Variants in EED observed in about 807,000 individuals in gnomAD.
The protein encoded by EED is polycomb protein EED.
A neutral mutation model predicts 61.0 loss-of-function variants in EED; 9 were observed. The observed-to-expected ratio is 0.15, with a 90% CI of 0.09 to 0.26. The LOEUF (loss-of-function observed/expected upper bound fraction) is 0.26, where lower values mean the gene tolerates loss of function less well. Among genes scored for constraint, EED ranks in the 10% least tolerant of loss-of-function variants. EED has a pLI of 1.00. For missense variants in EED, 315 were observed against 542.3 expected (o/e 0.58, Z 4.16); for synonymous variants, 187 against 174.4 (o/e 1.07, Z -0.57).
chr11:86,263,670 C>T (rs567071138), intron 6 of EED, among the ~76,000 whole-genome samples: 22 of 152,262 alleles, frequency 1.4e-4, no homozygotes, highest in African/African-American at 3.9e-4. Context: ...CATGAGCCAC[C>T]GTACCTGACT....
At chr11:86,262,031 T>C (rs1945843302) in intron 6 of EED, among the ~76,000 whole-genome samples, 1 of 152,216 alleles carries the variant, frequency 6.6e-6, no homozygotes, top group African/African-American at 2.4e-5. Context: ...ATATTCTCTC[T>C]CAAACATGCT....
At chr11:86,283,772 A>C (rs1340290392), downstream of EED, among the ~76,000 whole-genome samples, 2 of 152,276 alleles carry the variant, frequency 1.3e-5, no homozygotes, top group Non-Finnish European at 1.5e-5. Flanking sequence ...ACAGAGAATC[A>C]AGAAAATGGA....
At position 86,275,708 on chromosome 11, in the gene EED, A is replaced by C. The variant is rs921479881; in HGVS notation, c.967-1272A>C. On this transcript the variant is annotated intron_variant, in intron 9 of 11. Transcript: ENST00000263360. ...AGAGACTCTGAATCAGTAGGGGCTG[A>C]GAGACTCTGAATCAGTAGGGGCTGA... is the stretch of plus-strand genomic sequence containing the variant. 5.3e-5 allele frequency among the ~76,000 whole-genome samples: 8 copies of C among 152,244 alleles called. No homozygotes were observed. In the East Asian group the frequency reaches 5.8e-4, roughly 11 times the overall value.
At chr11:86,285,563 C>T in the EED span, among the ~76,000 whole-genome samples, 7 of 152,140 alleles carry the variant, frequency 4.6e-5, no homozygotes, top group Non-Finnish European at 1.0e-4. Flanking sequence ...AAATTGTTAG[C>T]ATGAATTTTA....
chr11:86,258,483 A>C (rs1029506862), intron 6 of EED, among the ~76,000 whole-genome samples: 1 of 151,902 alleles, frequency 6.6e-6, no homozygotes, highest in African/African-American at 2.4e-5. Context: ...ATTTCTGAAC[A>C]ACTGTATAGA....
chr11:86,268,381 A>C, intron 8 of EED, 75 bp from the exon 9 acceptor site: 14 of 1,016,228 alleles, frequency 1.4e-5, no homozygotes, highest in Non-Finnish European at 1.9e-5. Context: ...AGTTTTATAA[A>C]TCCAAAAATG....
At chr11:86,271,323 G>A (rs1488902560) in intron 9 of EED, among the ~76,000 whole-genome samples, 3 of 151,982 alleles carry the variant, frequency 2.0e-5, no homozygotes, top group African/African-American at 7.3e-5. Flanking sequence ...CCATTTTTAT[G>A]TGTTCATAAC....
chr11:86,268,384 C>T, intron 8 of EED, 72 bp from the exon 9 acceptor site: 1 of 1,039,288 alleles, frequency 9.6e-7, no homozygotes, highest in African/African-American at 1.7e-5. Context: ...TTTATAAATC[C>T]AAAAATGAAA....
chr11:86,275,767 G>T (rs1441101820), intron 9 of EED, among the ~76,000 whole-genome samples: 2 of 152,134 alleles, frequency 1.3e-5, no homozygotes, highest in African/African-American at 4.8e-5. Context: ...ACAGACTATT[G>T]ATCCAATTTT....
intron 6 of EED, 80 bp downstream of exon 6, chr11:86,257,676 C>T: frequency 8.6e-7 from 1 of 1,161,682 alleles, no homozygotes; most frequent in South Asian, 1.5e-5. Flanking sequence ...AAAACCCTGA[C>T]AAATAGGAAA....
rs138534741 is a variant in EED, at chr11:86,246,988, A to G, written c.114+1645A>G. Reference sequence around the variant, plus strand: ...ACTATACACATGTTATTTATTTATAATAATTACTACTACTAATTTTATGAT... The same window carrying G: ...ACTATACACATGTTATTTATTTATAGTAATTACTACTACTAATTTTATGAT... On this transcript the variant is annotated intron_variant, in intron 1 of 11. Transcript: ENST00000263360. 4.0e-3 allele frequency among the ~76,000 whole-genome samples: 613 copies of G among 152,328 alleles called. 6 individuals are homozygous for G. Among genetic ancestry groups the G allele is most frequent in the African/African-American group, 0.014 (599 of 41,568 alleles).
intron 1 of EED, among the ~76,000 whole-genome samples, chr11:86,249,057 G>C (rs1282638920): frequency 2.0e-5 from 3 of 152,158 alleles, no homozygotes; most frequent in Non-Finnish European, 4.4e-5. Flanking sequence ...TGGTAACTTG[G>C]AAGGATGTGC....
chr11:86,253,113 A>C (rs1945576753), intron 3 of EED, among the ~76,000 whole-genome samples: 1 of 152,216 alleles, frequency 6.6e-6, no homozygotes, highest in Non-Finnish European at 1.5e-5. Context: ...AGGTCAATTC[A>C]TTGAAACTCT....
Position 86,245,251 on chromosome 11 carries a change from A to G in EED, c.22A>G (p.Thr8Ala). MSEREVSTAPAGTDMPAA... is the reference protein window; with the variant it reads MSEREVSAAPAGTDMPAA... ...GAATATGTCCGAGAGGGAAGTGTCGACTGCGCCGGCGGGAACAGACATGCC... is the reference window on the plus strand; with the variant it reads ...GAATATGTCCGAGAGGGAAGTGTCGGCTGCGCCGGCGGGAACAGACATGCC... The change falls in exon 1 of 12, where the codon ACT (threonine) becomes GCT (alanine). Residue 8 changes from threonine (T) to alanine (A), a missense_variant. Around this residue, in one of 2 missense-constraint regions of EED, gnomAD observed 110 missense variants for 86.9 expected, o/e 1.27. Transcript: ENST00000263360. The G allele has an allele frequency of 6.8e-6, 11 of 1,613,220 alleles. No individual in the cohort carries two copies. Among genetic ancestry groups the G allele is most frequent in the Non-Finnish European group, 9.3e-6 (11 of 1,179,842 alleles).
chr11:86,257,138 C>T (rs113650494), intron 5 of EED, among the ~76,000 whole-genome samples: 76 of 151,152 alleles, frequency 5.0e-4, no homozygotes, highest in Admixed American at 1.9e-3. Flanking sequence ...TGGGCTCAAG[C>T]GATCCTCCTG....
rs554541705 is a variant in EED, at chr11:86,276,370, A to G, written c.967-610A>G. ...CATATGAGTGTCTTGATGTTAAACA[A>G]CTGCTTTACTTGCCTTCGATTGCCC... is the stretch of plus-strand genomic sequence containing the variant. On this transcript the variant is annotated intron_variant, in intron 9 of 11. Transcript: ENST00000263360. The G allele has an allele frequency of 2.6e-5, 4 of 152,326 alleles. No homozygotes were observed. In the South Asian group the frequency reaches 6.2e-4, roughly 24 times the overall value. 9.4% of individuals were successfully genotyped at this position (152,326 alleles called of 1,614,324 possible). A position where few individuals can be genotyped will look rare whatever the true frequency, so the allele number is the denominator to read the frequency against.
At chr11:86,270,409 A>G (rs1384739084) in intron 9 of EED, among the ~76,000 whole-genome samples, 1 of 147,238 alleles carries the variant, frequency 6.8e-6, no homozygotes, top group African/African-American at 2.5e-5. Flanking sequence ...TATTCTAAAT[A>G]TGAATCCTGT....
chr11:86,251,121 T>TA (rs2138137642), intron 2 of EED, among the ~76,000 whole-genome samples: 1 of 152,260 alleles, frequency 6.6e-6, no homozygotes, highest in African/African-American at 2.4e-5. Flanking sequence ...ATCTCATACA[T>TA]ATGTAAGTTA....
downstream of EED, among the ~76,000 whole-genome samples, chr11:86,279,099 G>T (rs1251751423): frequency 6.6e-6 from 1 of 152,180 alleles, no homozygotes; most frequent in Non-Finnish European, 1.5e-5. Context: ...GGAGATTATA[G>T]TTCCTATGGT....
Sources: allele counts gnomAD v4.1 joint callset (sites outside exome capture counted in the v4.1 genomes callset), GRCh38; gene constraint gnomAD v4.1.1; regional missense constraint gnomAD v4.1.1; transcripts MANE v1.5; gene names NCBI Gene and HGNC (gene_info 2026-07-23, HGNC 2026-07-21).